The following RPIA variants were observed in gnomAD, a reference collection of about 807,000 sequenced individuals.
The protein encoded by RPIA is ribose-5-phosphate isomerase.
In RPIA, 29 loss-of-function variants were observed where a neutral mutation model predicts 37.8. The ratio of observed to expected loss-of-function variants is 0.77; its 90% CI spans 0.57 to 1.05. RPIA has a LOEUF of 1.05. Among genes scored for constraint, RPIA ranks in the 50% least tolerant of loss-of-function variants. RPIA has a pLI of 0.00. For missense variants in RPIA, 385 were observed against 413.6 expected, an observed-to-expected ratio of 0.93 and a Z score of 0.60; for synonymous variants, 167 against 157.0, an observed-to-expected ratio of 1.06 and a Z score of -0.48.
At chr2:88,737,342 C>A (rs758921138) in intron 7 of RPIA, among the ~76,000 whole-genome samples, 1 of 152,146 alleles carries the variant, frequency 6.6e-6, no homozygotes, top group Non-Finnish European at 1.5e-5. Context: ...TACCCTGATA[C>A]ATTTTTATTT....
rs992981300 is a variant in RPIA at position 88,727,497 on chromosome 2, G to C, written c.403-1781G>C. ...GCTGTACAGATTATTTTGTCACCCA[G>C]GTGTTAAGCCTAGTACCCATTAGTT... On this transcript the variant is annotated intron_variant, in intron 3 of 8. Transcript: ENST00000283646. Among the ~76,000 whole-genome samples, 7 of 152,266 alleles carry C rather than the reference G, an allele frequency of 4.6e-5. 1 individual carries two copies. The highest frequency in any genetic ancestry group is 3.3e-4 in the Admixed American group (5 of 15,296).
chr2:88,718,639 C>T (rs1673065643), intron 3 of RPIA, among the ~76,000 whole-genome samples: 1 of 152,180 alleles, frequency 6.6e-6, no homozygotes. Context: ...AGTTTGATTT[C>T]TTTATGGAAG....
intron 4 of RPIA, among the ~76,000 whole-genome samples, chr2:88,733,284 A>G (rs1384352497): frequency 6.6e-6 from 1 of 152,174 alleles, no homozygotes; most frequent in East Asian, 1.9e-4. Flanking sequence ...GGAGAGGGAA[A>G]GCAAAGCTGG....
At chr2:88,720,252 G>GT (rs35794162) in intron 3 of RPIA, among the ~76,000 whole-genome samples, 3 of 151,688 alleles carry the variant, frequency 2.0e-5, no homozygotes, top group African/African-American at 7.3e-5. Context: ...ATTTGTCTCA[G>GT]TTTTTTTTCG....
At chr2:88,716,486 G>A (rs1163063701) in intron 3 of RPIA, among the ~76,000 whole-genome samples, 1 of 152,084 alleles carries the variant, frequency 6.6e-6, no homozygotes, top group Non-Finnish European at 1.5e-5. Flanking sequence ...CTAAATGCAG[G>A]TGTTCAAACT....
chr2:88,691,821 G>A lies in RPIA; in HGVS notation c.123G>A (p.Val41=). 1 of 1,597,134 alleles carries A rather than the reference G, an allele frequency of 6.3e-7. No individual in the cohort carries two copies. Among genetic ancestry groups the A allele is most frequent in the Non-Finnish European group, 8.5e-7 (1 of 1,173,678 alleles). ...GNSWDLPGSH[V]RLPGRAQSGT... ...GCTGGGACCTCCCGGGTTCCCACGT[G>A]CGGCTGCCGGGGCGTGCACAGTCTG... The change falls in exon 1 of 9, where the codon GTG becomes GTA. Residue 41 remains valine (V), a synonymous_variant. Transcript: ENST00000283646.
At chr2:88,697,003 A>C (rs1672756177) in intron 1 of RPIA, among the ~76,000 whole-genome samples, 1 of 152,252 alleles carries the variant, frequency 6.6e-6, no homozygotes, top group South Asian at 2.1e-4. Flanking sequence ...TAGTAAAAAA[A>C]TCTTAAAATG....
At chr2:88,746,035 G>A (rs1001485238) in intron 8 of RPIA, among the ~76,000 whole-genome samples, 10 of 151,060 alleles carry the variant, frequency 6.6e-5, no homozygotes, top group Admixed American at 6.6e-4. Context: ...CCTTGTCTTC[G>A]AGCTCTGAAG....
chr2:88,726,870 G>A (rs1035689009), intron 3 of RPIA, among the ~76,000 whole-genome samples: 2 of 152,126 alleles, frequency 1.3e-5, no homozygotes, highest in Non-Finnish European at 2.9e-5. Context: ...AGCCTCCTGA[G>A]TAGCTAGGGT....
rs535346078 is a variant in RPIA at position 88,727,100 on chromosome 2, C to T, written c.403-2178C>T. Among the ~76,000 whole-genome samples the T allele has an allele frequency of 7.3e-4, 109 of 149,760 alleles. 2 individuals are homozygous for T. Among genetic ancestry groups the T allele is most frequent in the African/African-American group, 2.5e-3 (98 of 39,868 alleles). On this transcript the variant is annotated intron_variant, in intron 3 of 8. Coordinates refer to ENST00000283646, the MANE Select transcript of RPIA (RefSeq NM_144563.3). ...GTGTGCGTGCGTGTGTGTGTGTGCGCGCGCATGTGTGCGCGTGCATGTGTG... is the reference window on the plus strand; with the variant it reads ...GTGTGCGTGCGTGTGTGTGTGTGCGTGCGCATGTGTGCGCGTGCATGTGTG...
intron 8 of RPIA, among the ~76,000 whole-genome samples, chr2:88,740,812 C>T (rs1271050216): frequency 6.6e-6 from 1 of 152,208 alleles, no homozygotes; most frequent in Non-Finnish European, 1.5e-5. Context: ...AAAGCCTTTT[C>T]TGAACCTGAT....
intron 3 of RPIA, among the ~76,000 whole-genome samples, chr2:88,702,641 C>A (rs190511618): frequency 1.1e-4 from 16 of 152,208 alleles, no homozygotes; most frequent in Non-Finnish European, 1.9e-4. Flanking sequence ...GTCACTCCCA[C>A]AACACATGGG....
At chr2:88,729,047 G>A (rs754601057) in intron 3 of RPIA, among the ~76,000 whole-genome samples, 11 of 152,156 alleles carry the variant, frequency 7.2e-5, no homozygotes, top group Non-Finnish European at 1.3e-4. Context: ...TCTTAGCTTC[G>A]CATTGGAACA....
chr2:88,724,394 C>T (rs1353145134), intron 3 of RPIA, among the ~76,000 whole-genome samples: 2 of 151,454 alleles, frequency 1.3e-5, no homozygotes, highest in South Asian at 2.1e-4. Context: ...TCAACCTCCA[C>T]CTCCCAGGTT....
rs561839959 is a variant in RPIA, at chr2:88,698,028, C to G, written c.286-456C>G. On this transcript the variant is annotated intron_variant, in intron 1 of 8. Coordinates refer to ENST00000283646, the MANE Select transcript of RPIA (RefSeq NM_144563.3). ...TTCTTAGGTGTTTTTCTAATTGCCT[C>G]CCTGGGATTGGCCAGGAATCTTTTT... 2.0e-5 allele frequency among the ~76,000 whole-genome samples: 3 copies of G among 151,998 alleles called. No homozygotes were observed. In the East Asian group the frequency reaches 5.8e-4, roughly 29 times the overall value.
chr2:88,695,682 A>G (rs1428334070), intron 1 of RPIA, among the ~76,000 whole-genome samples: 1 of 152,190 alleles, frequency 6.6e-6, no homozygotes, highest in African/African-American at 2.4e-5. Flanking sequence ...AGGTAGCTAA[A>G]CAACTTTACT....
intron 3 of RPIA, among the ~76,000 whole-genome samples, chr2:88,726,008 GA>G (rs1673192690): frequency 6.6e-6 from 1 of 152,202 alleles, no homozygotes; most frequent in Admixed American, 6.5e-5. Context: ...TTGGGGCACA[GA>G]ACTGTTTTAA....
intron 4 of RPIA, among the ~76,000 whole-genome samples, chr2:88,733,958 G>A (rs901075818): frequency 6.6e-6 from 1 of 152,188 alleles, no homozygotes; most frequent in African/African-American, 2.4e-5. Context: ...TGGGGTCTTA[G>A]TGGCAATGCC....
chr2:88,749,875 G>A (rs1008432015), intron 8 of RPIA, 106 bp from the exon 9 acceptor site: 31 of 735,220 alleles, frequency 4.2e-5, no homozygotes, highest in Non-Finnish European at 6.4e-5. Flanking sequence ...TTTGTCATTC[G>A]TCCAATGCTG....
Sources: gnomAD v4.1 joint callset for allele counts (sites outside exome capture counted in the v4.1 genomes callset) on GRCh38, gnomAD v4.1.1 for gene constraint, MANE v1.5 for transcripts, NCBI Gene and HGNC (gene_info 2026-07-23, HGNC 2026-07-21) for gene names.